The following TBC1D32 variants were observed in gnomAD, a reference collection of about 807,000 sequenced individuals.
TBC1D32 encodes TBC1 domain family member 32.
A neutral mutation model predicts 170.3 loss-of-function variants in TBC1D32; 151 were observed. The observed-to-expected ratio is 0.89, with a 90% CI of 0.78 to 1.01. TBC1D32 has a LOEUF of 1.01. Ranked by LOEUF, TBC1D32 falls within the 50% of genes least tolerant of loss-of-function variation. The pLI, the probability that TBC1D32 is intolerant of heterozygous loss-of-function variation, is 0.00. For synonymous variants in TBC1D32, 498 were observed against 488.0 expected (o/e 1.02, Z -0.27); for missense variants, 1,464 against 1,457.1 (o/e 1.00, Z -0.08).
At chr6:121,246,820 A>G (rs976076753) in intron 17 of TBC1D32, among the ~76,000 whole-genome samples, 4 of 151,914 alleles carry the variant, frequency 2.6e-5, no homozygotes, top group Admixed American at 1.3e-4. Context: ...AATTAACACA[A>G]TCAGACAAAG....
chr6:121,141,352 C>CAG (rs1274678955), intron 24 of TBC1D32, among the ~76,000 whole-genome samples: 2 of 152,264 alleles, frequency 1.3e-5, no homozygotes, highest in East Asian at 3.9e-4. Context: ...AGCAAAGGAT[C>CAG]AGAGGCATAA....
chr6:121,317,608 T>C lies in TBC1D32; in HGVS notation c.382A>G (p.Lys128Glu). Residue 128 changes from lysine (K) to glutamate (E), a missense_variant, in exon 3 of 32, where the codon AAG becomes GAG. Around this residue, in one of 3 missense-constraint regions of TBC1D32, gnomAD observed 1,363 missense variants for 1,338.1 expected, o/e 1.02. Coordinates refer to ENST00000398212, the MANE Select transcript of TBC1D32 (RefSeq NM_152730.6). ...MIAVVESMIN[K>E]FEEDETRNQE... ...TTTCGTGTCTCATCTTCTTCAAACTTGTTAATCATAGACTCGACCACAGCT... is the reference window on the plus strand; with the variant it reads ...TTTCGTGTCTCATCTTCTTCAAACTCGTTAATCATAGACTCGACCACAGCT... 1.2e-6 allele frequency: 2 copies of C among 1,612,730 alleles called. No homozygotes were observed. Among genetic ancestry groups the C allele is most frequent in the South Asian group, 1.1e-5 (1 of 90,964 alleles).
intron 1 of TBC1D32, among the ~76,000 whole-genome samples, chr6:121,334,035 C>A (rs1811549742): frequency 6.6e-6 from 1 of 152,112 alleles, no homozygotes; most frequent in African/African-American, 2.4e-5. Context: ...CCATTACATT[C>A]CGGCCTGGGC....
In TBC1D32 at chr6:121,281,581, A is replaced by T. The variant is rs761153200; in HGVS notation, c.1571T>A (p.Leu524His). ...CLYNNIVIET[L>H]LQPIHNLMKG... Reference sequence around the variant, plus strand: ...CATTAAATTGTGAATAGGCTGAAGAAGTGTCTCTATTACAATGTTGTTATA... The same window carrying T: ...CATTAAATTGTGAATAGGCTGAAGATGTGTCTCTATTACAATGTTGTTATA... Residue 524 changes from leucine to histidine, a missense_variant, in exon 14 of 32, where the codon CTT becomes CAT. By Grantham distance (99) the Leu-to-His change is moderately conservative (BLOSUM62 -3). Coordinates refer to ENST00000398212, the MANE Select transcript of TBC1D32 (RefSeq NM_152730.6). The T allele has an allele frequency of 1.9e-6, 3 of 1,606,552 alleles. No individual in the cohort carries two copies. In the Admixed American group the frequency reaches 5.1e-5, roughly 27 times the overall value.
At chr6:121,289,807 A>C (rs1489126572) in intron 12 of TBC1D32, among the ~76,000 whole-genome samples, 2 of 151,900 alleles carry the variant, frequency 1.3e-5, no homozygotes, top group Admixed American at 6.6e-5. Flanking sequence ...AGAGATATAG[A>C]CCAATGGAAC....
intron 31 of TBC1D32, among the ~76,000 whole-genome samples, chr6:121,085,361 A>G (rs1174622969): frequency 1.8e-5 from 2 of 112,768 alleles, no homozygotes; most frequent in Admixed American, 9.6e-5. Context: ...ATATATATAC[A>G]TATATATATG....
chr6:121,263,954 T>C (rs1479291773), intron 15 of TBC1D32, among the ~76,000 whole-genome samples: 2 of 152,136 alleles, frequency 1.3e-5, no homozygotes, highest in African/African-American at 4.8e-5. Flanking sequence ...GGAGGGAAAT[T>C]GATAGCACTA....
At chr6:121,081,028 C>T (rs2128165049) in intron 31 of TBC1D32, 138 bp from the exon 32 acceptor site, 1 of 927,784 alleles carries the variant, frequency 1.1e-6, no homozygotes, top group South Asian at 1.8e-5. Context: ...GTAAATGTGT[C>T]ATTGCTTTTT....
At chr6:121,144,286 C>T (rs1273747) in intron 24 of TBC1D32, among the ~76,000 whole-genome samples, 150,488 of 152,280 alleles carry the variant, frequency 0.99, 74,390 homozygotes, top group Non-Finnish European at 1. Context: ...AGGGAAGTCA[C>T]TGAAGGATTT....
At chr6:121,260,729 C>G (rs1261916415) in intron 15 of TBC1D32, among the ~76,000 whole-genome samples, 2 of 152,206 alleles carry the variant, frequency 1.3e-5, no homozygotes, top group Non-Finnish European at 2.9e-5. Context: ...TCTCAACAGC[C>G]ACTCGGCTGG....
At chr6:121,228,798 C>T (rs1795363769) in intron 20 of TBC1D32, among the ~76,000 whole-genome samples, 1 of 152,048 alleles carries the variant, frequency 6.6e-6, no homozygotes, top group African/African-American at 2.4e-5. Context: ...TAACAGAGAG[C>T]TCTTGATCTG....
chr6:121,284,040 G>A, intron 12 of TBC1D32, 130 bp from the exon 13 acceptor site: 1 of 660,478 alleles, frequency 1.5e-6, no homozygotes, highest in Non-Finnish European at 2.6e-6. Context: ...AGGAAGAAGG[G>A]AGCTATAATC....
At chr6:121,285,829 C>T (rs1803724920) in intron 12 of TBC1D32, among the ~76,000 whole-genome samples, 1 of 152,172 alleles carries the variant, frequency 6.6e-6, no homozygotes, top group South Asian at 2.1e-4. Flanking sequence ...CTGCTGTTCA[C>T]CAATATCCGC....
chr6:121,269,646 C>A (rs916618578), intron 15 of TBC1D32, among the ~76,000 whole-genome samples: 3 of 152,130 alleles, frequency 2.0e-5, no homozygotes, highest in Non-Finnish European at 4.4e-5. Context: ...GACTTACACT[C>A]CCACACAATA....
intron 2 of TBC1D32, among the ~76,000 whole-genome samples, chr6:121,320,003 TAC>T (rs1176012232): frequency 3.3e-5 from 5 of 152,114 alleles, no homozygotes; most frequent in Non-Finnish European, 7.4e-5. Context: ...AATGAAATTC[TAC>T]AGAGTAAGTA....
chr6:121,211,734 G>C (rs936656691), intron 21 of TBC1D32, among the ~76,000 whole-genome samples: 5 of 152,072 alleles, frequency 3.3e-5, no homozygotes, highest in Non-Finnish European at 7.4e-5. Context: ...CCCCATACAA[G>C]TAAAATGCTG....
intron 22 of TBC1D32, among the ~76,000 whole-genome samples, chr6:121,179,345 TAA>T (rs912388616): frequency 6.9e-6 from 1 of 144,258 alleles, no homozygotes; most frequent in Non-Finnish European, 1.5e-5. Context: ...AGGTGGCCTG[TAA>T]AAAAAAAAGT....
chr6:121,150,883 T>A (rs1048254419), intron 24 of TBC1D32, among the ~76,000 whole-genome samples: 1 of 69,144 alleles, frequency 1.4e-5, no homozygotes. Context: ...GTCTATTTGA[T>A]TCTTCTCTTT....
At chr6:121,131,832 G>T in intron 24 of TBC1D32, 80 bp from the exon 25 acceptor site, 1 of 1,135,996 alleles carries the variant, frequency 8.8e-7, no homozygotes, top group Non-Finnish European at 1.2e-6. Flanking sequence ...TATGTAAACA[G>T]TTGAAAATTC....
Sources: gnomAD v4.1 joint callset for allele counts (sites outside exome capture counted in the v4.1 genomes callset) on GRCh38, gnomAD v4.1.1 for gene constraint, gnomAD v4.1.1 regional missense constraint, MANE v1.5 for transcripts, NCBI Gene and HGNC (gene_info 2026-07-23, HGNC 2026-07-21) for gene names.